Variants in KIFC3 observed in about 807,000 individuals in gnomAD.
The protein encoded by KIFC3 is kinesin family member C3.
In KIFC3, 60 loss-of-function variants were observed where a neutral mutation model predicts 101.8. That is an observed-to-expected ratio of 0.59 (90% CI 0.48 to 0.73). The LOEUF is 0.73. Among genes scored for constraint, KIFC3 ranks in the 30% least tolerant of loss-of-function variants. The pLI, the probability that KIFC3 is intolerant of heterozygous loss-of-function variation, is 0.00. For synonymous variants in KIFC3, 476 were observed against 482.7 expected (o/e 0.99, Z 0.18); for missense variants, 966 against 1,137.1 (o/e 0.85, Z 2.16).
At chr16:57,776,202 T>G (rs888860618) in intron 3 of KIFC3, 2 of 985,394 alleles carry the variant, frequency 2.0e-6, no homozygotes, top group African/African-American at 3.5e-5. Context: ...CTGAAGCTGC[T>G]GAGCTGGGAA....
At chr16:57,787,446 G>T (rs1394388636) in intron 3 of KIFC3, among the ~76,000 whole-genome samples, 2 of 152,228 alleles carry the variant, frequency 1.3e-5, no homozygotes, top group African/African-American at 2.4e-5. Context: ...GGCTCGCCGG[G>T]TCTCAGCACC....
Position 57,771,246 on chromosome 16 carries a change from G to A in KIFC3, c.717C>T (p.Asp239=), listed in dbSNP as rs1394927576. 7 of 1,613,096 alleles carry A rather than the reference G, an allele frequency of 4.3e-6. No homozygotes were observed. In the African/African-American group the frequency reaches 5.3e-5, roughly 12 times the overall value. Residue 239 remains aspartate, a synonymous_variant, in exon 6 of 20, where the codon GAC becomes GAT. Transcript: ENST00000445690. ...GCAGGCTGGCAATGGTCTCGTGGCTGTCACGCAGGCGCCGACTAAGCCGCT... is the reference window on the plus strand; with the variant it reads ...GCAGGCTGGCAATGGTCTCGTGGCTATCACGCAGGCGCCGACTAAGCCGCT... The part of the protein sequence containing the change: ...EEERLSRRLR[D]SHETIASLRA...
intron 1 of KIFC3, among the ~76,000 whole-genome samples, chr16:57,835,258 A>G (rs2055663986): frequency 6.6e-6 from 1 of 152,212 alleles, no homozygotes; most frequent in African/African-American, 2.4e-5. Flanking sequence ...AAAACAAAAC[A>G]AAATGGAAAA....
chr16:57,818,053 G>A (rs1233823689), intron 1 of KIFC3, among the ~76,000 whole-genome samples: 1 of 150,904 alleles, frequency 6.6e-6, no homozygotes, highest in Non-Finnish European at 1.5e-5. Flanking sequence ...TTTTGAGACA[G>A]AGTCTCACTT....
At chr16:57,759,271 G>A (rs1289059522) in intron 18 of KIFC3, 118 bp from the exon 19 acceptor site, 2 of 1,220,040 alleles carry the variant, frequency 1.6e-6, no homozygotes, top group East Asian at 2.6e-5. Flanking sequence ...CCATGATCTG[G>A]GCTAAACAGG....
chr16:57,838,325 C>T (rs1320023774), intron 1 of KIFC3, among the ~76,000 whole-genome samples: 2 of 152,202 alleles, frequency 1.3e-5, no homozygotes, highest in East Asian at 1.9e-4. Flanking sequence ...GCGAACTACA[C>T]AGCATATACT....
At chr16:57,796,726 T>C (rs1044826992) in intron 2 of KIFC3, among the ~76,000 whole-genome samples, 19 of 152,204 alleles carry the variant, frequency 1.2e-4, no homozygotes, top group African/African-American at 4.1e-4. Context: ...TAACACAATA[T>C]TTCAAAGACC....
chr16:57,800,890 C>T lies in KIFC3; in HGVS notation c.-40+1480G>A, dbSNP rs1161162530. ...CGGGGACTTCTACCAACCTAGGATT[C>T]GTGGGGGAGGGCAGTGGGACTGGTT... On this transcript the variant is annotated intron_variant, in intron 1 of 19. Coordinates refer to ENST00000445690, the MANE Select transcript of KIFC3 (RefSeq NM_001130100.2). Among the ~76,000 whole-genome samples the T allele has an allele frequency of 3.3e-5, 5 of 152,100 alleles. No homozygotes were observed. The East Asian group carries it at 7.7e-4, about 23-fold the overall frequency.
chr16:57,809,610 G>A (rs185523210), intron 1 of KIFC3, among the ~76,000 whole-genome samples: 3 of 152,264 alleles, frequency 2.0e-5, no homozygotes, highest in South Asian at 2.1e-4. Context: ...CACACAGCCC[G>A]TTCATTCCCT....
intron 1 of KIFC3, among the ~76,000 whole-genome samples, chr16:57,843,058 A>G (rs2055844838): frequency 6.6e-6 from 1 of 151,138 alleles, no homozygotes; most frequent in Non-Finnish European, 1.5e-5. Flanking sequence ...GTTTGAACCC[A>G]GGAGGCAGAG....
chr16:57,795,304 G>A (rs1406834370), intron 2 of KIFC3, among the ~76,000 whole-genome samples, 163 bp from the exon 3 acceptor site: 1 of 152,190 alleles, frequency 6.6e-6, no homozygotes, highest in Non-Finnish European at 1.5e-5. Flanking sequence ...CGCCTGCCCT[G>A]CAGAGGGGAA....
At chr16:57,841,930 C>T (rs1267416337) in intron 1 of KIFC3, among the ~76,000 whole-genome samples, 12 of 142,484 alleles carry the variant, frequency 8.4e-5, no homozygotes. Context: ...TCAAGGGTGG[C>T]TCCTGTCTTT....
At chr16:57,857,471 C>T (rs549445520) in intron 1 of KIFC3, among the ~76,000 whole-genome samples, 24 of 151,290 alleles carry the variant, frequency 1.6e-4, no homozygotes, top group African/African-American at 4.4e-4. Context: ...TAGGTATACA[C>T]GTGTCATGGT....
chr16:57,766,812 G>C (rs1377998864), intron 10 of KIFC3, 62 bp downstream of exon 10: 1 of 1,156,852 alleles, frequency 8.6e-7, no homozygotes, highest in Non-Finnish European at 1.3e-6. Flanking sequence ...CTCCAAGCAT[G>C]ACTGCCAAGC....
intron 3 of KIFC3, among the ~76,000 whole-genome samples, chr16:57,778,620 T>C (rs781877181): frequency 3.3e-5 from 5 of 152,156 alleles, no homozygotes; most frequent in Non-Finnish European, 5.9e-5. Flanking sequence ...AGAACTTGAA[T>C]AGCAATTTCT....
chr16:57,838,685 G>A (rs1236188864), intron 1 of KIFC3, among the ~76,000 whole-genome samples: 3 of 152,158 alleles, frequency 2.0e-5, no homozygotes, highest in Non-Finnish European at 2.9e-5. Flanking sequence ...TTTCCAAAAA[G>A]CAAAATGCTT....
chr16:57,799,175 G>C (rs958720466), intron 1 of KIFC3, among the ~76,000 whole-genome samples: 6 of 152,228 alleles, frequency 3.9e-5, no homozygotes, highest in Non-Finnish European at 8.8e-5. Context: ...CTGAACAAAT[G>C]AACAGAGCTC....
At position 57,782,183 on chromosome 16, in the gene KIFC3, G is replaced by A. The variant is rs1300065683; in HGVS notation, c.316-9895C>T. On this transcript the variant is annotated intron_variant, in intron 3 of 19. Coordinates refer to ENST00000445690, the MANE Select transcript of KIFC3 (RefSeq NM_001130100.2). Reference sequence around the variant, plus strand: ...CATTACAGTTGACCATCTTTTTTCTGTCCATTCTTACAACAGATCCACCCC... The same window carrying A: ...CATTACAGTTGACCATCTTTTTTCTATCCATTCTTACAACAGATCCACCCC... The A allele has an allele frequency of 7.2e-6, 7 of 977,896 alleles. No homozygotes were observed. The East Asian group carries it at 6.8e-4, about 96-fold the overall frequency. 60.6% of individuals were successfully genotyped at this position (977,896 alleles called of 1,614,324 possible). A position where few individuals can be genotyped will look rare whatever the true frequency, so the allele number is the denominator to read the frequency against.
At chr16:57,774,073 C>T (rs2051676252) in intron 3 of KIFC3, 1 of 152,226 alleles carries the variant, frequency 6.6e-6, no homozygotes, top group South Asian at 2.1e-4. Context: ...GGGCCAGACC[C>T]CTGGAGGTCA....
Sources: gnomAD v4.1 joint callset for allele counts (sites outside exome capture counted in the v4.1 genomes callset) on GRCh38, gnomAD v4.1.1 for gene constraint, MANE v1.5 for transcripts, NCBI Gene and HGNC (gene_info 2026-07-23, HGNC 2026-07-21) for gene names.